The following BCAS3 variants were observed in gnomAD, a reference collection of about 807,000 sequenced individuals.
BCAS3 encodes BCAS3 microtubule associated cell migration factor.
In BCAS3, 53 loss-of-function variants were observed where a neutral mutation model predicts 116.1. The observed-to-expected ratio is 0.46, with a 90% CI of 0.37 to 0.57. The LOEUF (loss-of-function observed/expected upper bound fraction) is 0.57. Among genes scored for constraint, BCAS3 ranks in the 20% least tolerant of loss-of-function variants. The probability of loss-of-function intolerance (pLI) is 0.00; values close to 1 mark genes in which losing one functional copy is unlikely to be tolerated. For missense variants in BCAS3, 917 were observed against 1,165.4 expected (o/e 0.79, Z 3.10); for synonymous variants, 391 against 408.2 (o/e 0.96, Z 0.51).
intron 15 of BCAS3, among the ~76,000 whole-genome samples, chr17:61,003,381 TCCCC>T (rs2064403711): frequency 1.2e-5 from 1 of 85,842 alleles, no homozygotes. Flanking sequence ...TGCCCTCCCC[TCCCC>T]TCCCCTCCCC....
At chr17:60,693,257 T>C (rs1462528084) in intron 4 of BCAS3, among the ~76,000 whole-genome samples, 1 of 151,982 alleles carries the variant, frequency 6.6e-6, no homozygotes, top group Non-Finnish European at 1.5e-5. Context: ...GACATTTTTC[T>C]GTCAAATTCT....
chr17:60,754,209 C>G (rs909907031), intron 6 of BCAS3, among the ~76,000 whole-genome samples: 7 of 151,376 alleles, frequency 4.6e-5, no homozygotes, highest in African/African-American at 9.7e-5. Flanking sequence ...TTCTTTTTTT[C>G]TTTTTTCTTT....
In BCAS3 at chr17:61,009,437, A is replaced by G. The variant is rs2064955469; in HGVS notation, c.1487-6314A>G. Reference sequence around the variant, plus strand: ...CTTTCTTTGTCCTCCATTAACAATAACTTTTAGAAACCTGTAACAAAAATT... The same window carrying G: ...CTTTCTTTGTCCTCCATTAACAATAGCTTTTAGAAACCTGTAACAAAAATT... On this transcript the variant is annotated intron_variant, in intron 15 of 23. Coordinates refer to ENST00000407086, the MANE Select transcript of BCAS3 (RefSeq NM_017679.5). 1.3e-5 allele frequency among the ~76,000 whole-genome samples: 2 copies of G among 152,030 alleles called. 1 individual carries two copies. Among genetic ancestry groups the G allele is most frequent in the South Asian group, 4.1e-4 (2 of 4,828 alleles).
chr17:60,975,872 T>G (rs2062312441), intron 14 of BCAS3, among the ~76,000 whole-genome samples: 1 of 152,208 alleles, frequency 6.6e-6, no homozygotes, highest in African/African-American at 2.4e-5. Flanking sequence ...CATCAGAAAC[T>G]TCATTCCTAT....
intron 16 of BCAS3, among the ~76,000 whole-genome samples, chr17:61,030,929 T>A (rs965278853): frequency 6.6e-6 from 1 of 151,946 alleles, no homozygotes; most frequent in Non-Finnish European, 1.5e-5. Context: ...ATCGAGAGTA[T>A]GTCTTGTTCT....
At position 61,390,072 on chromosome 17, in the gene BCAS3, T is replaced by TG. The variant is rs2060055065; in HGVS notation, c.2594-1904dup. 1 of 152,352 alleles carries TG rather than the reference T, an allele frequency of 6.6e-6. No individual in the cohort carries two copies. The allele number at this position is 152,352 out of a possible 1,614,324, so 9.4% of individuals were successfully genotyped here. A position where few individuals can be genotyped will look rare whatever the true frequency, so the allele number is the denominator to read the frequency against. ...ATCCTAAGGAAGCCCCTGCTTTTCT[T>TG]GCGCCTGCCGGTGCTCTTCTCCCGC... is the stretch of plus-strand genomic sequence containing the variant. On this transcript the variant is annotated intron_variant, in intron 23 of 23. Transcript: ENST00000407086. This position sits in a 1 kb window ranked among gnomAD's most constrained non-coding sequence, Gnocchi z 6.8.
At position 61,200,288 on chromosome 17, in the gene BCAS3, T is replaced by G. The variant is rs73326843; in HGVS notation, c.2425+115724T>G. ...GAGCGAATGAGAAGGAGATTAATATTAATACAATTAGTTAGTTAGCTTATT... is the reference window on the plus strand; with the variant it reads ...GAGCGAATGAGAAGGAGATTAATATGAATACAATTAGTTAGTTAGCTTATT... On this transcript the variant is annotated intron_variant, in intron 22 of 23. Transcript: ENST00000407086. The surrounding 1 kb of genome is among the most constrained non-coding windows in gnomAD (Gnocchi z 5.1). Among the ~76,000 whole-genome samples, 1,454 of 152,334 alleles carry G rather than the reference T, an allele frequency of 9.5e-3. 23 individuals are homozygous for G. Among genetic ancestry groups the G allele is most frequent in the African/African-American group, 0.033 (1,392 of 41,562 alleles).
chr17:61,045,977 TTATA>T (rs1247798928), intron 19 of BCAS3, among the ~76,000 whole-genome samples: 6 of 9,742 alleles, frequency 6.2e-4, no homozygotes, highest in Admixed American at 4.7e-3. Context: ...TATATATATA[TTATA>T]TATATATTTA....
intron 22 of BCAS3, among the ~76,000 whole-genome samples, chr17:61,207,394 T>C (rs1364493576): frequency 6.6e-6 from 1 of 152,194 alleles, no homozygotes; most frequent in Non-Finnish European, 1.5e-5. Flanking sequence ...GATACTGTTA[T>C]TATTCTTTGA....
intron 2 of BCAS3, among the ~76,000 whole-genome samples, chr17:60,683,388 T>C (rs2033480059): frequency 6.6e-6 from 1 of 152,112 alleles, no homozygotes; most frequent in African/African-American, 2.4e-5. Context: ...AGAGCATGAC[T>C]TTTAAAAAGA....
intron 22 of BCAS3, among the ~76,000 whole-genome samples, chr17:61,314,003 G>C (rs748808899): frequency 2.0e-5 from 3 of 152,182 alleles, no homozygotes; most frequent in Non-Finnish European, 2.9e-5. Context: ...AATCTTACTT[G>C]CCTTCTGCCC....
At chr17:60,818,335 T>G (rs891306067) in intron 7 of BCAS3, among the ~76,000 whole-genome samples, 3 of 152,196 alleles carry the variant, frequency 2.0e-5, no homozygotes, top group African/African-American at 7.2e-5. Flanking sequence ...GGAAACCAGT[T>G]TCCTAAAGCT....
chr17:60,730,385 G>A lies in BCAS3; in HGVS notation c.322-16813G>A, dbSNP rs370720097. Among the ~76,000 whole-genome samples the A allele has an allele frequency of 5.3e-5, 8 of 152,226 alleles. No homozygotes were observed. The South Asian group carries it at 1.5e-3, about 28-fold the overall frequency. Reference sequence around the variant, plus strand: ...TAGTGTCAAGACCAAAATACAGACCGGGTTGCTGTTTTCTTTATGTGGTCA... The same window carrying A: ...TAGTGTCAAGACCAAAATACAGACCAGGTTGCTGTTTTCTTTATGTGGTCA... On this transcript the variant is annotated intron_variant, in intron 5 of 23. Transcript: ENST00000407086.
At position 61,347,443 on chromosome 17, in the gene BCAS3, T is replaced by C. The variant is rs2057568818; in HGVS notation, c.2426-20884T>C. Among the ~76,000 whole-genome samples the C allele has an allele frequency of 6.6e-6, 1 of 152,202 alleles. No individual in the cohort carries two copies. Among genetic ancestry groups the C allele is most frequent in the Non-Finnish European group, 1.5e-5 (1 of 68,036 alleles). ...AGCTTTCATATTGTCTTCCCCAAGT[T>C]AAACAACCTTGATTTCTTCCCTCCC... On this transcript the variant is annotated intron_variant, in intron 22 of 23. Coordinates refer to ENST00000407086, the MANE Select transcript of BCAS3 (RefSeq NM_017679.5). This position sits in a 1 kb window ranked among gnomAD's most constrained non-coding sequence, Gnocchi z 4.3.
intron 16 of BCAS3, among the ~76,000 whole-genome samples, chr17:61,031,771 C>T (rs2066657594): frequency 6.6e-6 from 1 of 151,786 alleles, no homozygotes; most frequent in South Asian, 2.1e-4. Context: ...TAAACACAGA[C>T]TTTTACTAAT....
chr17:61,269,083 G>T (rs1433705419), intron 22 of BCAS3, among the ~76,000 whole-genome samples: 1 of 151,202 alleles, frequency 6.6e-6, no homozygotes, highest in African/African-American at 2.4e-5. Flanking sequence ...GAACACAGGT[G>T]TGCAAACATC....
chr17:60,755,284 G>A (rs991046599), intron 6 of BCAS3, among the ~76,000 whole-genome samples: 5 of 152,250 alleles, frequency 3.3e-5, no homozygotes, highest in South Asian at 2.1e-4. Context: ...TGAATTAAGT[G>A]AACTATATAA....
chr17:60,899,411 A>G (rs1456510610), intron 10 of BCAS3, among the ~76,000 whole-genome samples: 1 of 152,126 alleles, frequency 6.6e-6, no homozygotes, highest in Non-Finnish European at 1.5e-5. Context: ...CTGCATTGGT[A>G]GCTGCTACAG....
At chr17:60,788,099 CA>C (rs1216371334) in intron 6 of BCAS3, among the ~76,000 whole-genome samples, 4 of 152,112 alleles carry the variant, frequency 2.6e-5, no homozygotes, top group Non-Finnish European at 2.9e-5. Context: ...TACTTATCCC[CA>C]TTTTACAGAT....
Sources: gnomAD v4.1 joint callset for allele counts (sites outside exome capture counted in the v4.1 genomes callset) on GRCh38, gnomAD v4.1.1 for gene constraint, Gnocchi (gnomAD v3.1) non-coding constraint, MANE v1.5 for transcripts, NCBI Gene and HGNC (gene_info 2026-07-23, HGNC 2026-07-21) for gene names.